Variants in SMAP1 observed in about 807,000 individuals in gnomAD.
The protein encoded by SMAP1 is stromal membrane-associated protein 1.
Under a neutral mutation model 58.5 loss-of-function variants are expected in SMAP1, and 24 were observed. The observed-to-expected ratio is 0.41, with a 90% CI of 0.30 to 0.58. SMAP1 has a LOEUF of 0.58. Ranked by LOEUF, SMAP1 falls within the 20% of genes least tolerant of loss-of-function variation. SMAP1 has a pLI of 0.29. For missense variants in SMAP1, 563 were observed against 566.3 expected (o/e 0.99, Z 0.06); for synonymous variants, 216 against 196.6 (o/e 1.10, Z -0.82).
chr6:70,679,703 C>A (rs1766623638), intron 1 of SMAP1, among the ~76,000 whole-genome samples: 1 of 152,074 alleles, frequency 6.6e-6, no homozygotes, highest in Non-Finnish European at 1.5e-5. Context: ...CAGAAGATAG[C>A]TGAGAGAAAT....
intron 1 of SMAP1, among the ~76,000 whole-genome samples, chr6:70,712,634 GA>G (rs1768098680): frequency 6.6e-6 from 1 of 152,022 alleles, no homozygotes; most frequent in African/African-American, 2.4e-5. Flanking sequence ...GACTGTTGAG[GA>G]AATTCTGTTT....
At chr6:70,800,936 G>A (rs1443991316) in intron 6 of SMAP1, among the ~76,000 whole-genome samples, 2 of 152,126 alleles carry the variant, frequency 1.3e-5, no homozygotes, top group African/African-American at 2.4e-5. Flanking sequence ...ATTTGGGTTG[G>A]TTCCAAGTCT....
At chr6:70,789,579 A>C (rs940951470) in intron 4 of SMAP1, among the ~76,000 whole-genome samples, 1 of 131,368 alleles carries the variant, frequency 7.6e-6, no homozygotes, top group East Asian at 2.2e-4. Context: ...TAAATCATTT[A>C]TTTTTCTTTT....
chr6:70,673,045 A>G (rs139879327), intron 1 of SMAP1, among the ~76,000 whole-genome samples: 9 of 152,288 alleles, frequency 5.9e-5, no homozygotes, highest in African/African-American at 2.2e-4. Context: ...TGGTCCAAGA[A>G]GAGGGCAAGA....
chr6:70,796,393 A>G (rs925054513), intron 5 of SMAP1, among the ~76,000 whole-genome samples: 1 of 152,182 alleles, frequency 6.6e-6, no homozygotes, highest in African/African-American at 2.4e-5. Context: ...TGCTTTGGGC[A>G]TTACTTCTTA....
rs1156260658 is a variant in SMAP1, at chr6:70,861,788, A to G, written c.*1454A>G. On this transcript the variant is annotated 3_prime_UTR_variant, in exon 11 of 11. Coordinates refer to ENST00000370455, the MANE Select transcript of SMAP1 (RefSeq NM_001044305.3). Reference sequence around the variant, plus strand: ...AAATAGCTTGGGTAGCGCACTCTTCATGGTGACACTCGAGGTCGGGCAGCA... The same window carrying G: ...AAATAGCTTGGGTAGCGCACTCTTCGTGGTGACACTCGAGGTCGGGCAGCA... 5 of 1,613,926 alleles carry G rather than the reference A, an allele frequency of 3.1e-6. No individual in the cohort carries two copies. Among genetic ancestry groups the G allele is most frequent in the Non-Finnish European group, 4.2e-6 (5 of 1,179,944 alleles).
At chr6:70,763,325 G>T (rs1766833291) in intron 3 of SMAP1, among the ~76,000 whole-genome samples, 1 of 151,768 alleles carries the variant, frequency 6.6e-6, no homozygotes, top group South Asian at 2.1e-4. Flanking sequence ...AATTGTTTCA[G>T]GGCACTGGGA....
chr6:70,743,811 T>G (rs1765909450), intron 2 of SMAP1, among the ~76,000 whole-genome samples: 1 of 152,184 alleles, frequency 6.6e-6, no homozygotes, highest in East Asian at 1.9e-4. Flanking sequence ...CCTATAGCAT[T>G]GGGTTATTGT....
intron 3 of SMAP1, among the ~76,000 whole-genome samples, chr6:70,767,203 T>TAG (rs1396578070): frequency 6.6e-6 from 1 of 152,012 alleles, no homozygotes; most frequent in Non-Finnish European, 1.5e-5. Flanking sequence ...TTTGTTCTTT[T>TAG]GGCTTAGGAT....
At chr6:70,829,713 A>G (rs1198776254) in intron 6 of SMAP1, among the ~76,000 whole-genome samples, 1 of 152,244 alleles carries the variant, frequency 6.6e-6, no homozygotes, top group Non-Finnish European at 1.5e-5. Flanking sequence ...GAAACTGATT[A>G]TAAATAAACT....
At position 70,668,061 on chromosome 6, in the gene SMAP1, T is replaced by C. The variant is rs1766102429; in HGVS notation, c.38T>C (p.Leu13Pro). 1 of 1,604,630 alleles carries C rather than the reference T, an allele frequency of 6.2e-7. No individual in the cohort carries two copies. Among genetic ancestry groups the C allele is most frequent in the South Asian group, 1.1e-5 (1 of 89,966 alleles). Residue 13 changes from leucine (L) to proline (P), a missense_variant, in exon 1 of 11, where the codon CTG becomes CCG. Leu to Pro is a moderately conservative substitution (Grantham distance 98, BLOSUM62 -3). Coordinates refer to ENST00000370455, the MANE Select transcript of SMAP1 (RefSeq NM_001044305.3). ...TCCTGTCGGGAGAAGGCTCAGAAGCTGAACGAGCAGCACCAGCTCATCCTA... is the reference window on the plus strand; with the variant it reads ...TCCTGTCGGGAGAAGGCTCAGAAGCCGAACGAGCAGCACCAGCTCATCCTA... Reference protein sequence around the residue: ...TRSCREKAQKLNEQHQLILSK... With the variant: ...TRSCREKAQKPNEQHQLILSK...
At chr6:70,747,934 T>A (rs1458948233) in intron 2 of SMAP1, among the ~76,000 whole-genome samples, 1 of 152,144 alleles carries the variant, frequency 6.6e-6, no homozygotes, top group Non-Finnish European at 1.5e-5. Flanking sequence ...CATTAAAAAA[T>A]TTGAATTGTG....
At chr6:70,772,861 C>G (rs1297622470) in intron 3 of SMAP1, 1 of 152,778 alleles carries the variant, frequency 6.5e-6, no homozygotes, top group African/African-American at 2.4e-5. Context: ...CTTAATCTTT[C>G]CAAGTTGCTG....
Position 70,668,841 on chromosome 6 carries a change from G to A in SMAP1, c.118+700G>A, listed in dbSNP as rs1257968838. ...TCATTACATGAGTCTCTTGGAGGACGGTGGGTTTGTATTTCTGAAGATTTT... is the reference window on the plus strand; with the variant it reads ...TCATTACATGAGTCTCTTGGAGGACAGTGGGTTTGTATTTCTGAAGATTTT... On this transcript the variant is annotated intron_variant, in intron 1 of 10. Transcript: ENST00000370455. The A allele has an allele frequency of 5.2e-6, 6 of 1,146,216 alleles. No homozygotes were observed. In the Admixed American group the frequency reaches 1.3e-4, roughly 25 times the overall value. The allele number at this position is 1,146,216 out of a possible 1,614,324, so 71.0% of individuals were successfully genotyped here.
chr6:70,671,546 C>T (rs1324664710), intron 1 of SMAP1, among the ~76,000 whole-genome samples: 2 of 152,120 alleles, frequency 1.3e-5, no homozygotes, highest in Non-Finnish European at 2.9e-5. Context: ...CCACTGTACT[C>T]CAGCCTGGGT....
intron 6 of SMAP1, among the ~76,000 whole-genome samples, chr6:70,817,514 A>T (rs767430971): frequency 6.6e-6 from 1 of 152,158 alleles, no homozygotes; most frequent in Non-Finnish European, 1.5e-5. Flanking sequence ...CTTCAAACAC[A>T]GCTGTGGACT....
At chr6:70,855,107 T>TATAC (rs1562204936) in intron 8 of SMAP1, among the ~76,000 whole-genome samples, 1 of 150,730 alleles carries the variant, frequency 6.6e-6, no homozygotes, top group South Asian at 2.1e-4. Context: ...TACATATACA[T>TATAC]ATACCAACAG....
intron 1 of SMAP1, among the ~76,000 whole-genome samples, chr6:70,704,738 C>A (rs756182761): frequency 6.6e-6 from 1 of 152,060 alleles, no homozygotes; most frequent in Non-Finnish European, 1.5e-5. Context: ...ATTAGTCAAC[C>A]GTATCCATTA....
chr6:70,775,069 A>G (rs560547074), intron 4 of SMAP1, among the ~76,000 whole-genome samples: 2 of 152,220 alleles, frequency 1.3e-5, no homozygotes, highest in African/African-American at 4.8e-5. Flanking sequence ...GAGCAAAGAT[A>G]TCCTTGTGTG....
Sources: gnomAD v4.1 joint callset for allele counts (sites outside exome capture counted in the v4.1 genomes callset) on GRCh38, gnomAD v4.1.1 for gene constraint, MANE v1.5 for transcripts, NCBI Gene and HGNC (gene_info 2026-07-23, HGNC 2026-07-21) for gene names.